Variants in DTNA observed in about 807,000 individuals in gnomAD.
The protein encoded by DTNA is dystrophin-related protein 3.
A neutral mutation model predicts 100.7 loss-of-function variants in DTNA; 43 were observed. That is an observed-to-expected ratio of 0.43 (90% CI 0.33 to 0.55). The LOEUF is 0.55. Ranked by LOEUF, DTNA falls within the 20% of genes least tolerant of loss-of-function variation. The pLI, the probability that DTNA is intolerant of heterozygous loss-of-function variation, is 0.04. For synonymous variants in DTNA, 349 were observed against 347.9 expected, an observed-to-expected ratio of 1.00 and a Z score of -0.04; for missense variants, 798 against 953.9, an observed-to-expected ratio of 0.84 and a Z score of 2.15.
At chr18:34,607,661 A>G (rs2053410088) in intron 1 of DTNA, among the ~76,000 whole-genome samples, 1 of 152,198 alleles carries the variant, frequency 6.6e-6, no homozygotes, top group Admixed American at 6.5e-5. Context: ...TGTTACCAGC[A>G]CTTATAACAC....
chr18:34,743,289 G>A (rs983767522), intron 1 of DTNA, among the ~76,000 whole-genome samples: 2 of 151,952 alleles, frequency 1.3e-5, no homozygotes, highest in African/African-American at 2.4e-5. Flanking sequence ...TCATACCCCC[G>A]CCTGTTTCTT....
rs1198295453 is a variant in DTNA, at chr18:34,890,331, AC to A, written c.*2601del. Reference sequence around the variant, plus strand: ...GTCAGCACTGAGACCAGACTCGAGCACCCCTGTCCTGTAAGCGAGACAAAAT... The same window carrying A: ...GTCAGCACTGAGACCAGACTCGAGCACCCTGTCCTGTAAGCGAGACAAAAT... On this transcript the variant is annotated 3_prime_UTR_variant, in exon 23 of 23. Transcript: ENST00000444659. 6 of 1,535,782 alleles carry A rather than the reference AC, an allele frequency of 3.9e-6. No individual in the cohort carries two copies. The African/African-American group carries it at 8.2e-5, about 21-fold the overall frequency.
intron 1 of DTNA, among the ~76,000 whole-genome samples, chr18:34,563,552 A>G (rs2046823123): frequency 6.6e-6 from 1 of 152,200 alleles, no homozygotes; most frequent in Non-Finnish European, 1.5e-5. Context: ...CTTAGTCTAT[A>G]AAGACCTTCT....
chr18:34,785,754 G>T (rs1035069078), intron 3 of DTNA, among the ~76,000 whole-genome samples: 11 of 151,984 alleles, frequency 7.2e-5, no homozygotes, highest in Admixed American at 2.0e-4. Context: ...GATTATTATT[G>T]CATGCTCAAT....
chr18:34,547,436 A>G (rs1238292898), intron 1 of DTNA, among the ~76,000 whole-genome samples: 1 of 152,068 alleles, frequency 6.6e-6, no homozygotes, highest in Non-Finnish European at 1.5e-5. Context: ...CAGCCAAGGA[A>G]TTACTCTATT....
intron 1 of DTNA, among the ~76,000 whole-genome samples, chr18:34,521,374 C>T (rs73424177): frequency 0.042 from 6,337 of 152,234 alleles, 472 homozygotes; most frequent in African/African-American, 0.15. Flanking sequence ...ATGACTGTAT[C>T]CCCTGCTCCT....
chr18:34,737,399 ATT>A (rs1318775606), intron 1 of DTNA, among the ~76,000 whole-genome samples: 1 of 152,134 alleles, frequency 6.6e-6, no homozygotes. Context: ...TTCTTGCCAC[ATT>A]TTTCTGTCTC....
Position 34,879,562 on chromosome 18 carries a change from GA to G in DTNA, c.2008del (p.Thr670GlnfsTer28), listed in dbSNP as rs769356986. On this transcript the variant is annotated frameshift_variant, in exon 20 of 23. Coordinates refer to ENST00000444659, the MANE Select transcript of DTNA (RefSeq NM_001386795.1). LOFTEE classifies it high-confidence loss of function. ...VKELNSEVGS[E>X]TESNVDSEFA... ...ATTGTATCTGCTAGAGGTTGGGAGTGAAACAGAGAGTAATGTGGATTCTGAA... is the reference window on the plus strand; with the variant it reads ...ATTGTATCTGCTAGAGGTTGGGAGTGAACAGAGAGTAATGTGGATTCTGAA... 1.2e-6 allele frequency: 2 copies of G among 1,613,928 alleles called. No homozygotes were observed. Among genetic ancestry groups the G allele is most frequent in the Non-Finnish European group, 1.7e-6 (2 of 1,179,968 alleles).
At chr18:34,686,179 A>G (rs1740687416) in intron 1 of DTNA, among the ~76,000 whole-genome samples, 1 of 152,126 alleles carries the variant, frequency 6.6e-6, no homozygotes, top group Admixed American at 6.5e-5. Context: ...TACTGTGTTG[A>G]ATAGGAGTGG....
At chr18:34,877,611 T>C (rs1203356340) in intron 18 of DTNA, 108 bp from the exon 19 acceptor site, 1 of 933,362 alleles carries the variant, frequency 1.1e-6, no homozygotes, top group Non-Finnish European at 1.6e-6. Flanking sequence ...GGAGAAGTCT[T>C]AGAAGTTTTC....
chr18:34,684,996 CT>C (rs1229646802), intron 1 of DTNA, among the ~76,000 whole-genome samples: 2 of 151,088 alleles, frequency 1.3e-5, no homozygotes, highest in Non-Finnish European at 3.0e-5. Context: ...GATGGGGTTG[CT>C]TTTTTCTTGT....
At chr18:34,696,715 G>A (rs1195395512) in intron 1 of DTNA, among the ~76,000 whole-genome samples, 2 of 152,148 alleles carry the variant, frequency 1.3e-5, no homozygotes, top group African/African-American at 2.4e-5. Context: ...ACAGCTGTAC[G>A]AGATAGACAT....
intron 2 of DTNA, 36 bp from the exon 3 acceptor site, chr18:34,765,925 A>G (rs1163045941): frequency 7.5e-6 from 12 of 1,606,458 alleles, no homozygotes; most frequent in African/African-American, 5.4e-5. Context: ...TTCTGCACAC[A>G]TGGCATACCT....
At chr18:34,569,595 A>T (rs1373024051) in intron 1 of DTNA, among the ~76,000 whole-genome samples, 1 of 152,186 alleles carries the variant, frequency 6.6e-6, no homozygotes, top group Non-Finnish European at 1.5e-5. Flanking sequence ...AGCCAATAGG[A>T]TGTGCATATA....
In DTNA at chr18:34,890,665, T is replaced by C. The variant is rs2096960347; in HGVS notation, c.*2931T>C. ...CTGCATGGGATTCAGGAAACAGTTG[T>C]GGTTGGTCAGGACGGAAGTTGGGGT... On this transcript the variant is annotated 3_prime_UTR_variant, in exon 23 of 23. Transcript: ENST00000444659. 1.3e-6 allele frequency: 1 copy of C among 747,820 alleles called. No homozygotes were observed. Among genetic ancestry groups the C allele is most frequent in the African/African-American group, 1.8e-5 (1 of 56,426 alleles). The allele number at this position is 747,820 out of a possible 1,614,324, so 46.3% of individuals were successfully genotyped here.
At chr18:34,722,380 A>G (rs1453541996) in intron 1 of DTNA, among the ~76,000 whole-genome samples, 1 of 152,188 alleles carries the variant, frequency 6.6e-6, no homozygotes, top group East Asian at 1.9e-4. Context: ...AACAGGAAAG[A>G]TTATTATTAT....
intron 1 of DTNA, among the ~76,000 whole-genome samples, chr18:34,599,323 T>C (rs1193666583): frequency 6.6e-6 from 1 of 152,242 alleles, no homozygotes; most frequent in East Asian, 1.9e-4. Context: ...CTTTCTTTTT[T>C]GCCTCATCTA....
intron 1 of DTNA, among the ~76,000 whole-genome samples, chr18:34,619,817 A>T (rs185466977): frequency 2.0e-4 from 30 of 152,328 alleles, no homozygotes; most frequent in Non-Finnish European, 3.2e-4. Context: ...TCATTTGTAT[A>T]TAAGTATTTA....
intron 3 of DTNA, among the ~76,000 whole-genome samples, chr18:34,782,937 A>T (rs1269054228): frequency 6.6e-6 from 1 of 152,206 alleles, no homozygotes; most frequent in Admixed American, 6.5e-5. Flanking sequence ...ACAAGCCTAG[A>T]TTAGGGCACT....
Sources: allele counts gnomAD v4.1 joint callset (sites outside exome capture counted in the v4.1 genomes callset), GRCh38; gene constraint gnomAD v4.1.1; transcripts MANE v1.5; gene names NCBI Gene and HGNC (gene_info 2026-07-23, HGNC 2026-07-21).